Variants in ADGRL3 observed in about 807,000 individuals in gnomAD.
The protein encoded by ADGRL3 is calcium-independent alpha-latrotoxin receptor 3.
A neutral mutation model predicts 153.5 loss-of-function variants in ADGRL3; 62 were observed. The observed-to-expected ratio is 0.40, with a 90% CI of 0.33 to 0.50. The LOEUF (loss-of-function observed/expected upper bound fraction) is 0.50. Ranked by LOEUF, ADGRL3 falls within the 20% of genes least tolerant of loss-of-function variation. The pLI is 0.47. For synonymous variants in ADGRL3, 710 were observed against 672.5 expected (o/e 1.06, Z -0.86); for missense variants, 1,641 against 1,859.4 (o/e 0.88, Z 2.16).
chr4:61,985,645 A>C (rs1290455738), intron 19 of ADGRL3, among the ~76,000 whole-genome samples: 1 of 152,190 alleles, frequency 6.6e-6, no homozygotes, highest in Non-Finnish European at 1.5e-5. Context: ...AAAGGGAACG[A>C]CAAGAAGAGG....
At chr4:61,360,748 T>C (rs1333218981) in intron 1 of ADGRL3, among the ~76,000 whole-genome samples, 1 of 152,188 alleles carries the variant, frequency 6.6e-6, no homozygotes, top group Non-Finnish European at 1.5e-5. Flanking sequence ...TATTATCTAT[T>C]TGTCATATAC....
intron 1 of ADGRL3, among the ~76,000 whole-genome samples, chr4:61,310,910 T>A (rs1269136369): frequency 6.6e-6 from 1 of 151,958 alleles, no homozygotes; most frequent in Non-Finnish European, 1.5e-5. Context: ...GTGGAATGGA[T>A]ATATTCCAGT....
In ADGRL3 at chr4:62,071,268, C is replaced by A. The variant is rs1745579852; in HGVS notation, c.*360C>A. On this transcript the variant is annotated 3_prime_UTR_variant, in exon 27 of 27. Coordinates refer to ENST00000683033, the MANE Select transcript of ADGRL3 (RefSeq NM_001387552.1). ...GTGTTACTAAAATTACAAGGACCTG[C>A]TTTTTAAAAGGCCAGAACAATTGTC... is the stretch of plus-strand genomic sequence containing the variant. 1 of 184,702 alleles carries A rather than the reference C, an allele frequency of 5.4e-6. No individual in the cohort carries two copies. Among genetic ancestry groups the A allele is most frequent in the African/African-American group, 2.4e-5 (1 of 42,070 alleles). 11.4% of individuals were successfully genotyped at this position (184,702 alleles called of 1,614,324 possible).
intron 4 of ADGRL3, among the ~76,000 whole-genome samples, chr4:61,539,409 G>C (rs916932816): frequency 6.6e-6 from 1 of 152,158 alleles, no homozygotes; most frequent in Non-Finnish European, 1.5e-5. Context: ...TTGGCAGGCT[G>C]CACTCCCTCA....
intron 22 of ADGRL3, 61 bp downstream of exon 22, chr4:62,028,942 G>A: frequency 7.0e-7 from 1 of 1,426,226 alleles, no homozygotes; most frequent in Non-Finnish European, 9.8e-7. Context: ...TGAACCAGCT[G>A]TCAGATCAGT....
chr4:61,566,066 A>G (rs1418437691), intron 4 of ADGRL3, among the ~76,000 whole-genome samples: 1 of 152,162 alleles, frequency 6.6e-6, no homozygotes, highest in Non-Finnish European at 1.5e-5. Flanking sequence ...ACATTGAACT[A>G]TAGGAGTTTA....
chr4:61,953,754 A>T (rs2098956113), intron 17 of ADGRL3, among the ~76,000 whole-genome samples: 1 of 152,200 alleles, frequency 6.6e-6, no homozygotes, highest in Non-Finnish European at 1.5e-5. Flanking sequence ...GTGACCCAGG[A>T]GTCCTCAGAG....
chr4:62,006,028 ATATATTTT>A (rs2099157655), intron 21 of ADGRL3, among the ~76,000 whole-genome samples: 1 of 95,516 alleles, frequency 1.0e-5, no homozygotes, highest in African/African-American at 3.9e-5. Context: ...ATATATATAT[ATATATTTT>A]TTTTTTTTTT....
rs550339789 is a variant in ADGRL3, at chr4:61,635,800, G to C, written c.474-41026G>C. ...GTTTTTTCCTGAAATCTCTTTCCTT[G>C]GCTTGAAGATTGCCATCTCCTCCTT... On this transcript the variant is annotated intron_variant, in intron 5 of 26. Transcript: ENST00000683033. Among the ~76,000 whole-genome samples, 197 of 151,972 alleles carry C rather than the reference G, an allele frequency of 1.3e-3. 1 individual carries two copies. The highest frequency in any genetic ancestry group is 2.4e-3 in the Non-Finnish European group (162 of 67,976).
chr4:61,864,824 A>G (rs1445237708), intron 9 of ADGRL3, among the ~76,000 whole-genome samples: 2 of 152,224 alleles, frequency 1.3e-5, no homozygotes, highest in African/African-American at 4.8e-5. Flanking sequence ...CCAAAGACAC[A>G]TAAAAATAAC....
At chr4:61,919,291 G>A (rs2149951757) in intron 13 of ADGRL3, among the ~76,000 whole-genome samples, 1 of 152,288 alleles carries the variant, frequency 6.6e-6, no homozygotes, top group Admixed American at 6.5e-5. Context: ...ATAATTAAAA[G>A]GACATCTGAA....
At chr4:61,682,563 A>ATTTTT (rs10685495) in intron 6 of ADGRL3, among the ~76,000 whole-genome samples, 16 of 136,224 alleles carry the variant, frequency 1.2e-4, no homozygotes, top group South Asian at 9.2e-4. Context: ...CTTTAAAAAA[A>ATTTTT]TTTTTTTTTT....
intron 25 of ADGRL3, among the ~76,000 whole-genome samples, chr4:62,067,863 T>G (rs1743833080): frequency 6.6e-6 from 1 of 152,064 alleles, no homozygotes; most frequent in Non-Finnish European, 1.5e-5. Flanking sequence ...TTACTCTCCT[T>G]GGTTTATGTG....
At chr4:61,359,982 T>C (rs2096258542) in intron 1 of ADGRL3, among the ~76,000 whole-genome samples, 1 of 152,200 alleles carries the variant, frequency 6.6e-6, no homozygotes, top group South Asian at 2.1e-4. Context: ...AGTCATTATC[T>C]GTAGTATTAA....
intron 1 of ADGRL3, among the ~76,000 whole-genome samples, chr4:61,316,219 A>G (rs2095207754): frequency 6.6e-6 from 1 of 152,190 alleles, no homozygotes; most frequent in Admixed American, 6.5e-5. Flanking sequence ...GAAAGAGGAA[A>G]GCTCTTGATG....
intron 3 of ADGRL3, among the ~76,000 whole-genome samples, chr4:61,512,080 ATAG>A (rs1436979165): frequency 6.6e-6 from 1 of 152,068 alleles, no homozygotes; most frequent in African/African-American, 2.4e-5. Flanking sequence ...GGAAATGAAA[ATAG>A]TGGTCTCTTC....
chr4:61,261,725 A>T (rs528978858), intron 1 of ADGRL3, among the ~76,000 whole-genome samples: 3 of 152,356 alleles, frequency 2.0e-5, no homozygotes, highest in African/African-American at 2.4e-5. Flanking sequence ...AAAACATAAT[A>T]TAGTGTTACA....
chr4:61,629,331 A>G (rs1417035384), intron 5 of ADGRL3, among the ~76,000 whole-genome samples: 2 of 152,122 alleles, frequency 1.3e-5, no homozygotes, highest in Non-Finnish European at 2.9e-5. Context: ...ATGTATTTGC[A>G]GTTTAACAAC....
At chr4:61,907,196 A>G (rs1194036150) in intron 11 of ADGRL3, among the ~76,000 whole-genome samples, 1 of 152,122 alleles carries the variant, frequency 6.6e-6, no homozygotes, top group African/African-American at 2.4e-5. Context: ...GATGTTCCCA[A>G]AAGTAAGAGG....
Sources: gnomAD v4.1 joint callset for allele counts (sites outside exome capture counted in the v4.1 genomes callset) on GRCh38, gnomAD v4.1.1 for gene constraint, MANE v1.5 for transcripts, NCBI Gene and HGNC (gene_info 2026-07-23, HGNC 2026-07-21) for gene names.